Variants in N4BP2L2 observed in about 807,000 individuals in gnomAD.
N4BP2L2 encodes NEDD4 binding protein 2 like 2, also known as NEDD4-binding protein 2-like 2.
In N4BP2L2, 50 loss-of-function variants were observed where a neutral mutation model predicts 56.2. That is an observed-to-expected ratio of 0.89 (90% CI 0.71 to 1.13). N4BP2L2 has a LOEUF of 1.13. Ranked by LOEUF, N4BP2L2 falls within the 50% of genes most tolerant of loss-of-function variation. The pLI is 0.00. For synonymous variants in N4BP2L2, 203 were observed against 223.6 expected (o/e 0.91, Z 0.82); for missense variants, 689 against 693.8 (o/e 0.99, Z 0.08).
intron 3 of N4BP2L2, among the ~76,000 whole-genome samples, chr13:32,526,082 A>G (rs1184843618): frequency 1.3e-5 from 2 of 152,098 alleles, no homozygotes; most frequent in South Asian, 2.1e-4. Context: ...ATCTAGAGCT[A>G]ATTTCCATTC....
intron 6 of N4BP2L2, among the ~76,000 whole-genome samples, chr13:32,467,567 C>T (rs1214182987): frequency 1.3e-5 from 2 of 150,900 alleles, no homozygotes; most frequent in African/African-American, 2.4e-5. Context: ...CGTGAGCCAT[C>T]GTGCCTGGCC....
chr13:32,501,794 G>A (rs1483908013), intron 6 of N4BP2L2, among the ~76,000 whole-genome samples: 1 of 151,236 alleles, frequency 6.6e-6, no homozygotes, highest in African/African-American at 2.4e-5. Context: ...CAGCTTGGGA[G>A]ACACAGCGAG....
chr13:32,518,056 G>A, intron 5 of N4BP2L2, 53 bp from the exon 6 acceptor site: 1 of 1,509,080 alleles, frequency 6.6e-7, no homozygotes. Context: ...TACAGGCTTA[G>A]AGATTAACTG....
Position 32,473,948 on chromosome 13 carries a change from G to T in N4BP2L2, c.366-29822C>A, listed in dbSNP as rs116694467. Among the ~76,000 whole-genome samples, 563 of 152,254 alleles carry T rather than the reference G, an allele frequency of 3.7e-3. 3 individuals carry two copies. The highest frequency in any genetic ancestry group is 0.013 in the African/African-American group (525 of 41,544). ...CAGAGGTTCAGAGGATTAAGACATG[G>T]CTACCTTTGGGTACAGGGGAAGCAT... On this transcript the variant is annotated intron_variant, in intron 6 of 9. Coordinates refer to the N4BP2L2 transcript ENST00000357505.
At chr13:32,519,018 C>T (rs207646) in intron 5 of N4BP2L2, among the ~76,000 whole-genome samples, 94,174 of 151,798 alleles carry the variant, frequency 0.62, 31,177 homozygotes, top group Non-Finnish European at 0.75. Context: ...GTACAAATGC[C>T]AATTTATTTA....
intron 6 of N4BP2L2, among the ~76,000 whole-genome samples, chr13:32,462,118 T>C (rs538641601): frequency 9.3e-5 from 14 of 150,642 alleles, no homozygotes; most frequent in Non-Finnish European, 2.1e-4. Context: ...AGGAAATCAT[T>C]ATATCAAAGG....
intron 9 of N4BP2L2, among the ~76,000 whole-genome samples, chr13:32,435,286 T>C (rs951387831): frequency 6.6e-6 from 1 of 151,998 alleles, no homozygotes; most frequent in African/African-American, 2.4e-5. Flanking sequence ...CAGGCTGGAG[T>C]GCAGTGGGGC....
chr13:32,458,115 A>G (rs962038014), intron 6 of N4BP2L2, among the ~76,000 whole-genome samples: 27 of 151,806 alleles, frequency 1.8e-4, no homozygotes, highest in African/African-American at 5.6e-4. Context: ...CCCAGGCTAG[A>G]GTGCAGTGGC....
chr13:32,493,367 C>T (rs2087675645), intron 6 of N4BP2L2, among the ~76,000 whole-genome samples: 1 of 152,058 alleles, frequency 6.6e-6, no homozygotes, highest in East Asian at 1.9e-4. Flanking sequence ...AGTGTTGACT[C>T]TCAGCGGTAT....
At chr13:32,445,833 T>C (rs1447195483) in intron 6 of N4BP2L2, among the ~76,000 whole-genome samples, 2 of 152,218 alleles carry the variant, frequency 1.3e-5, no homozygotes, top group African/African-American at 4.8e-5. Context: ...AAGACAATAT[T>C]TGATCCTAAG....
At chr13:32,439,251 T>C (rs572222845) in intron 7 of N4BP2L2, among the ~76,000 whole-genome samples, 1 of 152,384 alleles carries the variant, frequency 6.6e-6, no homozygotes, top group African/African-American at 2.4e-5. Flanking sequence ...TTATCATTTA[T>C]ATTTTCTATA....
chr13:32,455,636 T>C (rs2078852292), intron 6 of N4BP2L2, among the ~76,000 whole-genome samples: 1 of 152,216 alleles, frequency 6.6e-6, no homozygotes, highest in African/African-American at 2.4e-5. Flanking sequence ...GGGCTCACCC[T>C]GCCCTGCCCA....
intron 6 of N4BP2L2, among the ~76,000 whole-genome samples, chr13:32,501,614 A>C (rs2090017668): frequency 6.6e-6 from 1 of 152,046 alleles, no homozygotes; most frequent in South Asian, 2.1e-4. Flanking sequence ...GGAGATCGAG[A>C]CCATCCTGGC....
chr13:32,434,883 A>C (rs1359664971), intron 9 of N4BP2L2, among the ~76,000 whole-genome samples: 1 of 152,246 alleles, frequency 6.6e-6, no homozygotes, highest in Non-Finnish European at 1.5e-5. Context: ...AGTTTAGGAT[A>C]CATGTGGGAG....
At chr13:32,467,208 C>T (rs1173938610) in intron 6 of N4BP2L2, among the ~76,000 whole-genome samples, 1 of 151,336 alleles carries the variant, frequency 6.6e-6, no homozygotes, top group African/African-American at 2.4e-5. Flanking sequence ...TTGAAAGACA[C>T]TGGAAGTAGA....
chr13:32,451,104 G>T (rs771254613), intron 6 of N4BP2L2, among the ~76,000 whole-genome samples: 1 of 151,994 alleles, frequency 6.6e-6, no homozygotes, highest in Non-Finnish European at 1.5e-5. Context: ...CACAACTGGA[G>T]AAGTTACAGA....
intron 2 of N4BP2L2, among the ~76,000 whole-genome samples, chr13:32,530,626 T>C (rs2054463100): frequency 6.6e-6 from 1 of 152,196 alleles, no homozygotes; most frequent in South Asian, 2.1e-4. Flanking sequence ...CATAAATCTA[T>C]GACCTCATTT....
At chr13:32,446,654 A>G in intron 6 of N4BP2L2, 1 of 431,726 alleles carries the variant, frequency 2.3e-6, no homozygotes, top group Non-Finnish European at 3.1e-6. Context: ...CTACTGTACA[A>G]AGAAAGAGAG....
chr13:32,478,002 G>A, intron 6 of N4BP2L2: 1 of 1,289,342 alleles, frequency 7.8e-7, no homozygotes, highest in Non-Finnish European at 1.0e-6. Context: ...ACATACTGGT[G>A]TTCATCATCT....
Sources: gnomAD v4.1 joint callset for allele counts (sites outside exome capture counted in the v4.1 genomes callset) on GRCh38, gnomAD v4.1.1 for gene constraint, MANE v1.5 for transcripts, NCBI Gene and HGNC (gene_info 2026-07-23, HGNC 2026-07-21) for gene names.